Variants in UBE2K observed in about 807,000 individuals in gnomAD.
UBE2K encodes ubiquitin-conjugating enzyme E2 K.
Under a neutral mutation model 30.0 loss-of-function variants are expected in UBE2K, and 6 were observed. That is an observed-to-expected ratio of 0.20 (90% confidence interval 0.11 to 0.39). UBE2K has a LOEUF of 0.39. Among genes scored for constraint, UBE2K ranks in the 10% least tolerant of loss-of-function variants. The pLI, the probability that UBE2K is intolerant of heterozygous loss-of-function variation, is 1.00. For synonymous variants in UBE2K, 86 were observed against 83.7 expected, an observed-to-expected ratio of 1.03 and a Z score of -0.15; for missense variants, 61 against 241.6, an observed-to-expected ratio of 0.25 and a Z score of 4.96.
At chr4:39,699,841 CTGACCTCTATGTT>C (rs1386133174) in intron 1 of UBE2K, among the ~76,000 whole-genome samples, 2 of 152,130 alleles carry the variant, frequency 1.3e-5, no homozygotes, top group Non-Finnish European at 2.9e-5. Flanking sequence ...TGTATGAACT[CTGACCTCTATGTT>C]TGTTCATATG....
intron 1 of UBE2K, among the ~76,000 whole-genome samples, chr4:39,705,260 C>T (rs555923013): frequency 1.9e-4 from 28 of 145,440 alleles, no homozygotes; most frequent in African/African-American, 7.1e-4. Flanking sequence ...TATGGTGGCA[C>T]GATCTCAACT....
At chr4:39,739,160 T>C (rs1056854900) in intron 2 of UBE2K, among the ~76,000 whole-genome samples, 4 of 151,880 alleles carry the variant, frequency 2.6e-5, no homozygotes, top group Non-Finnish European at 4.4e-5. Flanking sequence ...TCCGAGCAGC[T>C]GGGACTACGG....
intron 4 of UBE2K, chr4:39,771,468 C>A (rs1712830059): frequency 6.5e-7 from 1 of 1,533,428 alleles, no homozygotes. Context: ...TGGCCCGGTT[C>A]CGCGCGCTGT....
intron 1 of UBE2K, among the ~76,000 whole-genome samples, chr4:39,732,628 A>C (rs550280274): frequency 4.8e-4 from 73 of 151,068 alleles, no homozygotes; most frequent in African/African-American, 1.5e-3. Context: ...TATCTTAATA[A>C]AATAGTTGAT....
At position 39,781,158 on chromosome 4, in the gene UBE2K, A is replaced by C. The variant is rs911282424; in HGVS notation, c.*2724A>C. ...CAAATAAGTATTCAGTGGTATATAA[A>C]TATTTGAGGAACTAGGTACTGAATT... On this transcript the variant is annotated 3_prime_UTR_variant, in exon 7 of 7. Coordinates refer to ENST00000261427, the MANE Select transcript of UBE2K (RefSeq NM_005339.5). The C allele has an allele frequency of 6.6e-6, 1 of 152,116 alleles. No individual in the cohort carries two copies. The highest frequency in any genetic ancestry group is 1.5e-5 in the Non-Finnish European group (1 of 67,968). The allele number at this position is 152,116 out of a possible 1,614,324, so 9.4% of individuals were successfully genotyped here.
chr4:39,771,218 G>A, intron 4 of UBE2K: 1 of 1,612,574 alleles, frequency 6.2e-7, no homozygotes. Flanking sequence ...CTGTGCATCA[G>A]GGAGACCTGC....
intron 1 of UBE2K, among the ~76,000 whole-genome samples, chr4:39,703,501 A>G (rs13122815): frequency 0.17 from 25,459 of 151,858 alleles, 4,156 homozygotes; most frequent in African/African-American, 0.42. Context: ...CATCAGCGAG[A>G]CCCTGTCTCA....
At chr4:39,742,336 T>G (rs1720748609) in intron 2 of UBE2K, among the ~76,000 whole-genome samples, 2 of 113,900 alleles carry the variant, frequency 1.8e-5, no homozygotes, top group African/African-American at 6.3e-5. Flanking sequence ...TACCTGTCAG[T>G]TTTTTTTTTC....
chr4:39,720,767 T>C (rs998470671), intron 1 of UBE2K, among the ~76,000 whole-genome samples: 12 of 152,192 alleles, frequency 7.9e-5, no homozygotes, highest in Non-Finnish European at 1.2e-4. Context: ...TATTAGAGAC[T>C]AGGTCTCAGT....
chr4:39,714,544 A>ATTTTTTTTTTTTTTTTTT (rs1337587267), intron 1 of UBE2K: 2 of 21,088 alleles, frequency 9.5e-5, no homozygotes, highest in African/African-American at 4.0e-4. Context: ...ATATATATAT[A>ATTTTTTTTTTTTTTTTTT]TATATATTTT....
intron 1 of UBE2K, among the ~76,000 whole-genome samples, chr4:39,733,843 G>T (rs1324232042): frequency 6.6e-6 from 1 of 152,162 alleles, no homozygotes; most frequent in Non-Finnish European, 1.5e-5. Flanking sequence ...CATGACTTTT[G>T]TAATACTGTC....
Position 39,778,468 on chromosome 4 carries a change from C to G in UBE2K, c.*34C>G, listed in dbSNP as rs1267640666. On this transcript the variant is annotated 3_prime_UTR_variant, in exon 7 of 7. Transcript: ENST00000261427. ...GAGCTGCTGATATAGTCAAGCTTGC[C>G]TCTTCTTGAGGAGCACCAACATCTG... 2 of 1,455,668 alleles carry G rather than the reference C, an allele frequency of 1.4e-6. No individual in the cohort carries two copies. Among genetic ancestry groups the G allele is most frequent in the Admixed American group, 3.6e-5 (2 of 55,828 alleles). The allele number at this position is 1,455,668 out of a possible 1,614,324, so 90.2% of individuals were successfully genotyped here. A position where few individuals can be genotyped will look rare whatever the true frequency, so the allele number is the denominator to read the frequency against.
At chr4:39,750,319 A>G (rs938879670) in intron 3 of UBE2K, among the ~76,000 whole-genome samples, 4 of 152,234 alleles carry the variant, frequency 2.6e-5, no homozygotes, top group Middle Eastern at 3.2e-3. Context: ...GTGTTAAACT[A>G]AAGAGTGAAT....
intron 1 of UBE2K, among the ~76,000 whole-genome samples, chr4:39,704,448 G>A (rs1446415910): frequency 6.6e-6 from 1 of 151,988 alleles, no homozygotes; most frequent in African/African-American, 2.4e-5. Flanking sequence ...TAATATGTTT[G>A]GGGTGAATTC....
chr4:39,777,596 A>G, intron 5 of UBE2K, 86 bp from the exon 6 acceptor site: 4 of 1,241,254 alleles, frequency 3.2e-6, no homozygotes, highest in Non-Finnish European at 4.3e-6. Context: ...TTATTTGGAA[A>G]AGTAGGATTG....
At chr4:39,707,903 A>AT (rs56012919) in intron 1 of UBE2K, among the ~76,000 whole-genome samples, 78,697 of 149,740 alleles carry the variant, frequency 0.53, 21,549 homozygotes, top group Admixed American at 0.65. Context: ...TAATATTGCA[A>AT]TTTTTTTTTT....
intron 1 of UBE2K, among the ~76,000 whole-genome samples, chr4:39,717,858 G>A (rs1414979054): frequency 1.4e-5 from 2 of 147,232 alleles, no homozygotes; most frequent in Non-Finnish European, 2.9e-5. Flanking sequence ...GCAGACCTTC[G>A]CGGTGAGTGT....
At chr4:39,758,399 C>T (rs1034703165) in intron 4 of UBE2K, among the ~76,000 whole-genome samples, 7 of 152,220 alleles carry the variant, frequency 4.6e-5, no homozygotes, top group East Asian at 1.9e-4. Flanking sequence ...AGCTTGCCGC[C>T]ACGTGCAGTG....
chr4:39,748,147 G>T (rs926740809), intron 3 of UBE2K, among the ~76,000 whole-genome samples: 1 of 152,184 alleles, frequency 6.6e-6, no homozygotes, highest in Admixed American at 6.6e-5. Flanking sequence ...TTGCATAGTT[G>T]TGGCTCTGTT....
Sources: gnomAD v4.1 joint callset for allele counts (sites outside exome capture counted in the v4.1 genomes callset) on GRCh38, gnomAD v4.1.1 for gene constraint, MANE v1.5 for transcripts, NCBI Gene and HGNC (gene_info 2026-07-23, HGNC 2026-07-21) for gene names.